Variants in PEAK1 observed in about 807,000 individuals in gnomAD.
PEAK1 encodes pseudopodium enriched atypical kinase 1, also known as inactive tyrosine-protein kinase PEAK1.
A neutral mutation model predicts 124.7 loss-of-function variants in PEAK1; 54 were observed. That is an observed-to-expected ratio of 0.43 (90% CI 0.35 to 0.54). The LOEUF (loss-of-function observed/expected upper bound fraction) is 0.54, where lower values mean the gene tolerates loss of function less well. PEAK1 is among the 20% of genes least tolerant of loss of function. The pLI is 0.01. For synonymous variants in PEAK1, 719 were observed against 760.0 expected, an observed-to-expected ratio of 0.95 and a Z score of 0.89; for missense variants, 2,046 against 2,134.5, an observed-to-expected ratio of 0.96 and a Z score of 0.82.
chr15:77,345,504 C>T lies in PEAK1; in HGVS notation c.-603+19659G>A, dbSNP rs140836040. ...TAAAAAGGAGATATTGAGTAGAAGGCGGCTTTTAAAGGGAGAACATTGCAC... is the reference window on the plus strand; with the variant it reads ...TAAAAAGGAGATATTGAGTAGAAGGTGGCTTTTAAAGGGAGAACATTGCAC... On this transcript the variant is annotated intron_variant, in intron 2 of 9. Transcript: ENST00000682557. Among the ~76,000 whole-genome samples the T allele has an allele frequency of 9.2e-5, 14 of 152,196 alleles. No homozygotes were observed. In the East Asian group the frequency reaches 2.3e-3, roughly 25 times the overall value.
At chr15:77,171,202 G>A (rs2056478245) in intron 7 of PEAK1, among the ~76,000 whole-genome samples, 1 of 152,086 alleles carries the variant, frequency 6.6e-6, no homozygotes, top group Non-Finnish European at 1.5e-5. Flanking sequence ...GCCTGTCTCA[G>A]CACTTCTCAA....
chr15:77,158,801 T>C (rs2055378647), intron 7 of PEAK1, 105 bp from the exon 8 acceptor site: 2 of 1,035,372 alleles, frequency 1.9e-6, no homozygotes, highest in Admixed American at 2.1e-5. Context: ...ACTGGTCCTA[T>C]AGTCACAATA....
At chr15:77,205,920 C>A (rs2058622368) in intron 6 of PEAK1, among the ~76,000 whole-genome samples, 1 of 147,070 alleles carries the variant, frequency 6.8e-6, no homozygotes, top group African/African-American at 2.5e-5. Flanking sequence ...TGGTGCGCTG[C>A]ACCCACTAAC....
Position 77,181,533 on chromosome 15 carries a change from G to T in PEAK1, c.394C>A (p.Pro132Thr). The stretch of plus-strand genomic sequence containing the variant: ...TTTGCACTATCATTATTGCCATAAG[G>T]CTTAGGAACATGGCTAATTCCTTCA... The part of the protein sequence containing the change: ...DDEGISHVPK[P>T]YGNNDSAKKM... The change falls in exon 7 of 10, where the codon CCT becomes ACT. Residue 132 changes from proline (P) to threonine (T), a missense_variant. Coordinates refer to ENST00000682557, the MANE Select transcript of PEAK1 (RefSeq NM_001385026.1). 2 of 1,613,976 alleles carry T rather than the reference G, an allele frequency of 1.2e-6. No homozygotes were observed. Among genetic ancestry groups the T allele is most frequent in the Non-Finnish European group, 1.7e-6 (2 of 1,180,004 alleles).
At chr15:77,207,063 G>T (rs62008388) in intron 6 of PEAK1, among the ~76,000 whole-genome samples, 15,048 of 151,932 alleles carry the variant, frequency 0.099, 822 homozygotes, top group African/African-American at 0.11. Context: ...GCTAGCCATA[G>T]GTAGAAAGCT....
chr15:77,206,971 A>G (rs2058690026), intron 6 of PEAK1, among the ~76,000 whole-genome samples: 1 of 152,132 alleles, frequency 6.6e-6, no homozygotes, highest in Non-Finnish European at 1.5e-5. Context: ...CATACCTACA[A>G]CTGTCTGATC....
At chr15:77,408,102 TATAC>T (rs2072048820) in intron 1 of PEAK1, among the ~76,000 whole-genome samples, 2 of 150,520 alleles carry the variant, frequency 1.3e-5, no homozygotes, top group African/African-American at 4.9e-5. Context: ...CACACACATA[TATAC>T]ATATATACAC....
chr15:77,137,547 G>A (rs191473312), intron 8 of PEAK1, among the ~76,000 whole-genome samples: 65 of 152,312 alleles, frequency 4.3e-4, no homozygotes, highest in African/African-American at 1.5e-3. Flanking sequence ...TGACTGCCCC[G>A]CTGGATTTCG....
Position 77,347,106 on chromosome 15 carries a change from G to A in PEAK1, c.-603+18057C>T, listed in dbSNP as rs377536996. ...CAGAGGGACAAGGAGTAGAAGACTT[G>A]CAAGTTGGAATAAACTTGGTATATT... On this transcript the variant is annotated intron_variant, in intron 2 of 9. Transcript: ENST00000682557. The A allele has an allele frequency of 1.1e-5, 7 of 626,654 alleles. No individual in the cohort carries two copies. In the African/African-American group the frequency reaches 1.2e-4, roughly 11 times the overall value. 38.8% of individuals were successfully genotyped at this position (626,654 alleles called of 1,614,324 possible). A position where few individuals can be genotyped will look rare whatever the true frequency, so the allele number is the denominator to read the frequency against.
At chr15:77,335,866 G>C in intron 2 of PEAK1, 1 of 985,282 alleles carries the variant, frequency 1.0e-6, no homozygotes, top group Non-Finnish European at 1.2e-6. Flanking sequence ...AAAGAGACTT[G>C]ACAACATGCC....
intron 1 of PEAK1, chr15:77,418,924 G>C: frequency 1.0e-6 from 1 of 985,364 alleles, no homozygotes; most frequent in Non-Finnish European, 1.2e-6. Flanking sequence ...AGCTGTTCAC[G>C]TACATCATCC....
chr15:77,142,344 C>T (rs1358428916), intron 8 of PEAK1, among the ~76,000 whole-genome samples: 5 of 152,284 alleles, frequency 3.3e-5, no homozygotes, highest in Non-Finnish European at 4.4e-5. Flanking sequence ...AATTCAAATG[C>T]TTATACATTG....
Position 77,333,644 on chromosome 15 carries a change from T to C in PEAK1, c.-603+31519A>G, listed in dbSNP as rs116149055. 2.4e-3 allele frequency: 2,295 copies of C among 971,414 alleles called. 53 individuals carry two copies. The African/African-American group carries it at 0.038, about 16-fold the overall frequency. The allele number at this position is 971,414 out of a possible 1,614,324, so 60.2% of individuals were successfully genotyped here. A position where few individuals can be genotyped will look rare whatever the true frequency, so the allele number is the denominator to read the frequency against. On this transcript the variant is annotated intron_variant, in intron 2 of 9. Coordinates refer to ENST00000682557, the MANE Select transcript of PEAK1 (RefSeq NM_001385026.1). ...CATGAAGTACAACTCTAGTTTTATA[T>C]TCTTGTGATAATTTTAAGTCAATAT...
intron 7 of PEAK1, among the ~76,000 whole-genome samples, chr15:77,160,171 A>G (rs2055504998): frequency 6.6e-6 from 1 of 152,196 alleles, no homozygotes; most frequent in Admixed American, 6.5e-5. Context: ...ATGGAGCACC[A>G]TAAAATCAAG....
intron 1 of PEAK1, chr15:77,371,037 A>C (rs962642941): frequency 2.2e-6 from 2 of 913,682 alleles, no homozygotes; most frequent in African/African-American, 3.6e-5. Context: ...TCAAAAAAAA[A>C]AAAAAAAAGA....
chr15:77,153,769 T>C (rs1346399184), intron 8 of PEAK1, among the ~76,000 whole-genome samples: 2 of 152,194 alleles, frequency 1.3e-5, no homozygotes, highest in African/African-American at 4.8e-5. Context: ...GAGCAGGTTG[T>C]TCAGTTTCCA....
chr15:77,244,129 A>C (rs923920651), intron 6 of PEAK1, among the ~76,000 whole-genome samples: 1 of 152,238 alleles, frequency 6.6e-6, no homozygotes, highest in Admixed American at 6.5e-5. Flanking sequence ...TCTTAAAAAA[A>C]ATACCTTTGC....
chr15:77,245,559 C>T (rs1381329879), intron 6 of PEAK1, among the ~76,000 whole-genome samples: 5 of 151,868 alleles, frequency 3.3e-5, no homozygotes, highest in Non-Finnish European at 5.9e-5. Flanking sequence ...ATTAGCCGGG[C>T]GTGGTGGCAC....
intron 1 of PEAK1, among the ~76,000 whole-genome samples, chr15:77,414,543 G>A (rs1307994242): frequency 6.6e-6 from 1 of 151,986 alleles, no homozygotes; most frequent in East Asian, 1.9e-4. Flanking sequence ...CTTATCCTCT[G>A]ACTTGAAACG....
Sources: allele counts gnomAD v4.1 joint callset (sites outside exome capture counted in the v4.1 genomes callset), GRCh38; gene constraint gnomAD v4.1.1; transcripts MANE v1.5; gene names NCBI Gene and HGNC (gene_info 2026-07-23, HGNC 2026-07-21).